Variants in SDCCAG8 observed in about 807,000 individuals in gnomAD.
SDCCAG8 encodes the protein SHH signaling and ciliogenesis regulator SDCCAG8, also known as serologically defined colon cancer antigen 8.
Under a neutral mutation model 101.8 loss-of-function variants are expected in SDCCAG8, and 74 were observed. That is an observed-to-expected ratio of 0.73 (90% CI 0.60 to 0.88). The LOEUF (loss-of-function observed/expected upper bound fraction) is 0.88. Ranked by LOEUF, SDCCAG8 falls within the 40% of genes least tolerant of loss-of-function variation. The pLI, the probability that SDCCAG8 is intolerant of heterozygous loss-of-function variation, is 0.00. For synonymous variants in SDCCAG8, 281 were observed against 292.9 expected (o/e 0.96, Z 0.41); for missense variants, 787 against 822.6 (o/e 0.96, Z 0.53).
intron 16 of SDCCAG8, among the ~76,000 whole-genome samples, chr1:243,446,015 G>A (rs2082875656): frequency 6.6e-6 from 1 of 152,220 alleles, no homozygotes; most frequent in Non-Finnish European, 1.5e-5. Flanking sequence ...ACTGTTGGGA[G>A]CACAAGCGCC....
chr1:243,274,766 C>A, intron 4 of SDCCAG8, 110 bp downstream of exon 4: 1 of 675,520 alleles, frequency 1.5e-6, no homozygotes, highest in Admixed American at 2.3e-5. Context: ...AATACATTGA[C>A]AATTGCTATT....
intron 16 of SDCCAG8, among the ~76,000 whole-genome samples, chr1:243,449,477 A>G (rs1015743603): frequency 2.0e-5 from 3 of 152,230 alleles, no homozygotes; most frequent in African/African-American, 4.8e-5. Flanking sequence ...AGGAGATAGC[A>G]TAGACTTGAG....
chr1:243,421,196 T>C (rs1339116533), intron 15 of SDCCAG8, among the ~76,000 whole-genome samples: 1 of 152,240 alleles, frequency 6.6e-6, no homozygotes, highest in Non-Finnish European at 1.5e-5. Context: ...GACATATTTT[T>C]CCTTCCTCTG....
chr1:243,479,691 C>T (rs962488786), intron 16 of SDCCAG8, among the ~76,000 whole-genome samples: 2 of 152,154 alleles, frequency 1.3e-5, no homozygotes, highest in African/African-American at 4.8e-5. Context: ...AAAGTGATCA[C>T]AGGATTTACT....
chr1:243,294,443 A>G (rs2149297642), intron 6 of SDCCAG8, among the ~76,000 whole-genome samples: 1 of 143,726 alleles, frequency 7.0e-6, no homozygotes, highest in East Asian at 2.3e-4. Flanking sequence ...CAGGAGCTGA[A>G]AACAAACACC....
intron 10 of SDCCAG8, among the ~76,000 whole-genome samples, chr1:243,338,288 C>T (rs2075149055): frequency 1.3e-5 from 2 of 152,168 alleles, no homozygotes; most frequent in African/African-American, 2.4e-5. Flanking sequence ...ACCAGTTAAT[C>T]ATAACATTGT....
At chr1:243,450,101 G>A (rs565388318) in intron 16 of SDCCAG8, among the ~76,000 whole-genome samples, 2 of 152,300 alleles carry the variant, frequency 1.3e-5, no homozygotes, top group South Asian at 4.2e-4. Context: ...AGACGTCTCT[G>A]TTTTCCAGCA....
At chr1:243,358,748 GTATATAGA>G (rs999572344) in intron 12 of SDCCAG8, among the ~76,000 whole-genome samples, 1 of 152,112 alleles carries the variant, frequency 6.6e-6, no homozygotes, top group Non-Finnish European at 1.5e-5. Flanking sequence ...TGGGGTGTGT[GTATATAGA>G]TACATATTAC....
chr1:243,483,007 C>T (rs1574316335), intron 16 of SDCCAG8, among the ~76,000 whole-genome samples: 2 of 152,252 alleles, frequency 1.3e-5, no homozygotes, highest in South Asian at 2.1e-4. Context: ...ATGGCAAACC[C>T]CCTCGCCCCG....
rs140076018 is a variant in SDCCAG8, at chr1:243,323,438, T to G, written c.1068+6545T>G. On this transcript the variant is annotated intron_variant, in intron 9 of 17. Coordinates refer to ENST00000366541, the MANE Select transcript of SDCCAG8 (RefSeq NM_006642.5). ...TTTCTGGCCCTCTTATTTCCCAAGA[T>G]GAACATCTTTCTCCCCGTTTTTGAT... Among the ~76,000 whole-genome samples the G allele has an allele frequency of 5.7e-3, 861 of 152,268 alleles. 1 individual carries two copies. Among genetic ancestry groups the G allele is most frequent in the Non-Finnish European group, 8.9e-3 (604 of 68,016 alleles).
chr1:243,403,814 A>T (rs2079567235), intron 13 of SDCCAG8, among the ~76,000 whole-genome samples: 1 of 152,224 alleles, frequency 6.6e-6, no homozygotes, highest in African/African-American at 2.4e-5. Context: ...CTGATTCTAC[A>T]TTATGGTGAG....
At chr1:243,430,216 T>C (rs2081632207) in intron 16 of SDCCAG8, among the ~76,000 whole-genome samples, 1 of 152,144 alleles carries the variant, frequency 6.6e-6, no homozygotes, top group Non-Finnish European at 1.5e-5. Context: ...GATCAGGAAT[T>C]GGCAAACTAT....
intron 16 of SDCCAG8, among the ~76,000 whole-genome samples, chr1:243,436,522 GT>G (rs1480295305): frequency 2.0e-5 from 3 of 151,984 alleles, no homozygotes; most frequent in Non-Finnish European, 2.9e-5. Flanking sequence ...TACTTTTGCT[GT>G]TTGTCAAAGA....
At chr1:243,429,320 A>G (rs1350562705) in intron 16 of SDCCAG8, among the ~76,000 whole-genome samples, 2 of 152,208 alleles carry the variant, frequency 1.3e-5, no homozygotes, top group African/African-American at 4.8e-5. Flanking sequence ...TATAACATAT[A>G]AATATGTGTT....
chr1:243,279,937 T>C lies in SDCCAG8; in HGVS notation c.420+5281T>C, dbSNP rs201770165. Among the ~76,000 whole-genome samples, 31 of 152,326 alleles carry C rather than the reference T, an allele frequency of 2.0e-4. No homozygotes were observed. The East Asian group carries it at 6.0e-3, about 29-fold the overall frequency. On this transcript the variant is annotated intron_variant, in intron 4 of 17. Coordinates refer to ENST00000366541, the MANE Select transcript of SDCCAG8 (RefSeq NM_006642.5). The stretch of plus-strand genomic sequence containing the variant: ...CTCATAAAATGAGTTAGGAAATACT[T>C]CCTCTTGAATTTTATGAAATATATT...
Position 243,499,742 on chromosome 1 carries a change from A to ATTATT in SDCCAG8, c.2113-11_2113-7dup. 5 of 1,606,012 alleles carry ATTATT rather than the reference A, an allele frequency of 3.1e-6. No individual in the cohort carries two copies. The highest frequency in any genetic ancestry group is 4.3e-6 in the Non-Finnish European group (5 of 1,172,886). On this transcript the variant is annotated splice_polypyrimidine_tract_variant and intron_variant, in intron 17 of 17. Coordinates refer to ENST00000366541, the MANE Select transcript of SDCCAG8 (RefSeq NM_006642.5). ...CATGAGCTATTGAAACTTACTTTTT[A>ATTATT]TTATTTTTTCCAGTTACCCAGCATG...
At chr1:243,356,426 G>GA (rs934062492) in intron 12 of SDCCAG8, among the ~76,000 whole-genome samples, 2 of 147,996 alleles carry the variant, frequency 1.4e-5, no homozygotes, top group African/African-American at 2.5e-5. Flanking sequence ...GTGGCGGGGG[G>GA]GTGGTGGGGG....
At chr1:243,264,545 C>T (rs994592827) in intron 1 of SDCCAG8, among the ~76,000 whole-genome samples, 20 of 151,828 alleles carry the variant, frequency 1.3e-4, no homozygotes, top group Admixed American at 3.3e-4. Flanking sequence ...ACCTGGGAGG[C>T]GGAGGTTGCA....
intron 13 of SDCCAG8, among the ~76,000 whole-genome samples, chr1:243,384,201 G>T (rs1216558726): frequency 1.3e-5 from 2 of 152,176 alleles, no homozygotes; most frequent in African/African-American, 2.4e-5. Context: ...AGGAGGAGAG[G>T]TCTTATCAGT....
Sources: allele counts gnomAD v4.1 joint callset (sites outside exome capture counted in the v4.1 genomes callset), GRCh38; gene constraint gnomAD v4.1.1; transcripts MANE v1.5; gene names NCBI Gene and HGNC (gene_info 2026-07-23, HGNC 2026-07-21).